Variants in CCNYL1 observed in about 807,000 individuals in gnomAD.
The protein encoded by CCNYL1 is cyclin-Y-like protein 1.
Under a neutral mutation model 44.2 loss-of-function variants are expected in CCNYL1, and 16 were observed. The ratio of observed to expected loss-of-function variants is 0.36; its 90% confidence interval spans 0.25 to 0.55. The LOEUF (loss-of-function observed/expected upper bound fraction) is 0.55. Among genes scored for constraint, CCNYL1 ranks in the 20% least tolerant of loss-of-function variants. CCNYL1 has a pLI of 0.85. For synonymous variants in CCNYL1, 159 were observed against 163.2 expected (o/e 0.97, Z 0.20); for missense variants, 348 against 451.8 (o/e 0.77, Z 2.08).
rs373189981 is a variant in CCNYL1, at chr2:207,753,722, G to A, written c.*24G>A. 9.1e-5 allele frequency: 129 copies of A among 1,413,964 alleles called. No individual in the cohort carries two copies. The highest frequency in any genetic ancestry group is 1.8e-4 in the East Asian group (8 of 43,732). The allele number at this position is 1,413,964 out of a possible 1,614,324, so 87.6% of individuals were successfully genotyped here. A position where few individuals can be genotyped will look rare whatever the true frequency, so the allele number is the denominator to read the frequency against. Reference sequence around the variant, plus strand: ...AAAAGGAGAAATGAGGGGTTATAACGTCATGGGACCTTCATCTACAAAGAC... The same window carrying A: ...AAAAGGAGAAATGAGGGGTTATAACATCATGGGACCTTCATCTACAAAGAC... On this transcript the variant is annotated 3_prime_UTR_variant, in exon 10 of 10. Coordinates refer to ENST00000295414, the MANE Select transcript of CCNYL1 (RefSeq NM_001330218.2).
intron 3 of CCNYL1, among the ~76,000 whole-genome samples, chr2:207,727,587 C>T (rs2091690459): frequency 6.6e-6 from 1 of 152,144 alleles, no homozygotes; most frequent in South Asian, 2.1e-4. Context: ...TTTCTAACAG[C>T]TATTTTTCCC....
At chr2:207,731,698 C>T (rs753434534) in intron 3 of CCNYL1, among the ~76,000 whole-genome samples, 1 of 151,988 alleles carries the variant, frequency 6.6e-6, no homozygotes, top group African/African-American at 2.4e-5. Flanking sequence ...AATTCTGCCA[C>T]CCCCTAGTCT....
chr2:207,748,677 C>T (rs1323582028), intron 8 of CCNYL1, among the ~76,000 whole-genome samples: 1 of 152,212 alleles, frequency 6.6e-6, no homozygotes, highest in Non-Finnish European at 1.5e-5. Context: ...TTGCCCATTA[C>T]TCCATATGAC....
intron 8 of CCNYL1, 158 bp from the exon 9 acceptor site, chr2:207,750,797 CTG>C (rs2091885529): frequency 1.6e-6 from 1 of 606,858 alleles, no homozygotes; most frequent in Non-Finnish European, 2.8e-6. Flanking sequence ...CCACAAGTAA[CTG>C]TACCTTATGT....
intron 1 of CCNYL1, among the ~76,000 whole-genome samples, chr2:207,720,804 C>G (rs2091634693): frequency 6.6e-6 from 1 of 152,268 alleles, no homozygotes; most frequent in South Asian, 2.1e-4. Flanking sequence ...TATGAAATGT[C>G]ACAGCTCAGT....
At chr2:207,713,479 G>GT (rs2091569783) in intron 1 of CCNYL1, among the ~76,000 whole-genome samples, 1 of 152,118 alleles carries the variant, frequency 6.6e-6, no homozygotes, top group South Asian at 2.1e-4. Flanking sequence ...GAAACGTTTA[G>GT]TTTTTTGCCT....
chr2:207,730,244 G>C (rs2091716874), intron 3 of CCNYL1, among the ~76,000 whole-genome samples: 1 of 152,060 alleles, frequency 6.6e-6, no homozygotes, highest in South Asian at 2.1e-4. Context: ...GGTGGACCTG[G>C]GACTCCAACT....
intron 1 of CCNYL1, among the ~76,000 whole-genome samples, chr2:207,712,419 G>A (rs2091557410): frequency 6.6e-6 from 1 of 152,190 alleles, no homozygotes; most frequent in Admixed American, 6.5e-5. Flanking sequence ...TGTCTGGTGG[G>A]ACTTTGCTAA....
chr2:207,747,221 T>C lies in CCNYL1; in HGVS notation c.806+8T>C, dbSNP rs1439652447. On this transcript the variant is annotated splice_region_variant and intron_variant, in intron 8 of 9. Coordinates refer to ENST00000295414, the MANE Select transcript of CCNYL1 (RefSeq NM_001330218.2). Reference sequence around the variant, plus strand: ...CATTACAGTTGAGGACATGTGAGTTTGTAAGGTTTTGGTGAACTTTCTAAC... The same window carrying C: ...CATTACAGTTGAGGACATGTGAGTTCGTAAGGTTTTGGTGAACTTTCTAAC... 6.3e-7 allele frequency: 1 copy of C among 1,594,870 alleles called. No homozygotes were observed. The highest frequency in any genetic ancestry group is 8.6e-7 in the Non-Finnish European group (1 of 1,166,504).
In CCNYL1 at chr2:207,729,239, T is replaced by C. The variant is rs2091703085; in HGVS notation, c.330+2363T>C. On this transcript the variant is annotated intron_variant, in intron 3 of 9. Transcript: ENST00000295414. ...AGACCAGTGTTTCTGCATTGATCTTTACTTGTCTCCGCCCCCCCCCGCCCC... is the reference window on the plus strand; with the variant it reads ...AGACCAGTGTTTCTGCATTGATCTTCACTTGTCTCCGCCCCCCCCCGCCCC... 2.1e-5 allele frequency among the ~76,000 whole-genome samples: 3 copies of C among 140,534 alleles called. No homozygotes were observed. In the South Asian group the frequency reaches 7.5e-4, roughly 35 times the overall value. 92.2% of individuals were successfully genotyped at this position (140,534 alleles called of 152,430 possible). A position where few individuals can be genotyped will look rare whatever the true frequency, so the allele number is the denominator to read the frequency against.
At chr2:207,753,280 CAG>C (rs1168362958) in intron 9 of CCNYL1, among the ~76,000 whole-genome samples, 2 of 152,172 alleles carry the variant, frequency 1.3e-5, no homozygotes, top group Non-Finnish European at 2.9e-5. Flanking sequence ...TAACAGATAA[CAG>C]ATGCTATTGC....
intron 3 of CCNYL1, among the ~76,000 whole-genome samples, chr2:207,730,677 G>C (rs1559167967): frequency 6.6e-6 from 1 of 152,270 alleles, no homozygotes; most frequent in East Asian, 1.9e-4. Flanking sequence ...AGAATTGCTT[G>C]AACCTGGGAG....
chr2:207,751,621 G>A lies in CCNYL1; in HGVS notation c.969+502G>A, dbSNP rs185553900. 5.6e-3 allele frequency among the ~76,000 whole-genome samples: 859 copies of A among 152,252 alleles called. 12 individuals carry two copies. Among genetic ancestry groups the A allele is most frequent in the African/African-American group, 0.02 (816 of 41,540 alleles). On this transcript the variant is annotated intron_variant, in intron 9 of 9. Transcript: ENST00000295414. ...TGTAAGCCCAGCACTTTGGGAGGCCGAGGAGGGCAGATCACCTGAGGTTGG... is the reference window on the plus strand; with the variant it reads ...TGTAAGCCCAGCACTTTGGGAGGCCAAGGAGGGCAGATCACCTGAGGTTGG...
chr2:207,723,736 G>A (rs1469947069), intron 1 of CCNYL1, among the ~76,000 whole-genome samples: 4 of 152,044 alleles, frequency 2.6e-5, no homozygotes, highest in African/African-American at 4.8e-5. Flanking sequence ...ATTAGCCGGC[G>A]TGGTGGCAGG....
intron 2 of CCNYL1, 53 bp from the exon 3 acceptor site, chr2:207,726,789 T>C: frequency 7.9e-7 from 1 of 1,272,910 alleles, no homozygotes; most frequent in Non-Finnish European, 1.1e-6. Context: ...GCAACTACTT[T>C]TATACTGTGG....
intron 1 of CCNYL1, chr2:207,714,349 G>T (rs780732079): frequency 5.1e-5 from 19 of 375,594 alleles, no homozygotes; most frequent in Non-Finnish European, 1.0e-5. Context: ...AAGAGAAAGA[G>T]TCTCACTGTG....
chr2:207,718,297 C>T (rs2105818139), intron 1 of CCNYL1, among the ~76,000 whole-genome samples: 1 of 152,114 alleles, frequency 6.6e-6, no homozygotes, highest in South Asian at 2.1e-4. Context: ...TTGCTTGAGC[C>T]CAGGAGTGGG....
intron 8 of CCNYL1, among the ~76,000 whole-genome samples, chr2:207,750,387 C>G (rs1314315644): frequency 2.0e-5 from 3 of 152,112 alleles, no homozygotes; most frequent in African/African-American, 7.2e-5. Flanking sequence ...GATTCCCTTC[C>G]CCTGTAATGT....
chr2:207,749,890 T>C (rs2091879685), intron 8 of CCNYL1, among the ~76,000 whole-genome samples: 1 of 152,236 alleles, frequency 6.6e-6, no homozygotes, highest in African/African-American at 2.4e-5. Flanking sequence ...TATTAAAACT[T>C]TGAAACCAAG....
Sources: allele counts gnomAD v4.1 joint callset (sites outside exome capture counted in the v4.1 genomes callset), GRCh38; gene constraint gnomAD v4.1.1; transcripts MANE v1.5; gene names NCBI Gene and HGNC (gene_info 2026-07-23, HGNC 2026-07-21).